TPO: variants seen among roughly 807,000 people sequenced by gnomAD.
The protein encoded by TPO is thyroid microsomal antigen.
Under a neutral mutation model 96.9 loss-of-function variants are expected in TPO, and 78 were observed. The ratio of observed to expected loss-of-function variants is 0.81; its 90% CI spans 0.67 to 0.97. TPO has a LOEUF of 0.97. Among genes scored for constraint, TPO ranks in the 50% least tolerant of loss-of-function variants. The pLI, the probability that TPO is intolerant of heterozygous loss-of-function variation, is 0.00. For missense variants in TPO, 1,252 were observed against 1,274.8 expected, an observed-to-expected ratio of 0.98 and a Z score of 0.27; for synonymous variants, 547 against 538.0, an observed-to-expected ratio of 1.02 and a Z score of -0.23.
intron 2 of TPO, among the ~76,000 whole-genome samples, chr2:1,421,450 G>C (rs1262703177): frequency 6.6e-6 from 1 of 152,188 alleles, no homozygotes; most frequent in Non-Finnish European, 1.5e-5. Context: ...CTCGGAGATT[G>C]ATTTGTCTCA....
intron 1 of TPO, among the ~76,000 whole-genome samples, chr2:1,388,864 A>C (rs1329859626): frequency 6.6e-6 from 1 of 152,124 alleles, no homozygotes; most frequent in African/African-American, 2.4e-5. Flanking sequence ...GCCCGACGTT[A>C]ATCATCTAAA....
At chr2:1,398,224 A>C (rs992234611) in intron 1 of TPO, among the ~76,000 whole-genome samples, 2 of 152,178 alleles carry the variant, frequency 1.3e-5, no homozygotes, top group African/African-American at 2.4e-5. Flanking sequence ...TCCTAGGGGA[A>C]CCACAGATGC....
Position 1,542,519 on chromosome 2 carries a change from ATCACCGTACGACTC to A in TPO, c.*47_*60del, listed in dbSNP as rs756202105. The A allele has an allele frequency of 1.2e-6, 2 of 1,612,554 alleles. No homozygotes were observed. Among genetic ancestry groups the A allele is most frequent in the Middle Eastern group, 1.6e-4 (1 of 6,062 alleles). On this transcript the variant is annotated 3_prime_UTR_variant, in exon 17 of 17. Coordinates refer to ENST00000329066, the MANE Select transcript of TPO (RefSeq NM_001206744.2). ...TGCAGAACAGCTTCATGTTCCCAAAATCACCGTACGACTCTTTTCCAAACACAGGCAAATCCGAA... is the reference window on the plus strand; with the variant it reads ...TGCAGAACAGCTTCATGTTCCCAAAATTTTCCAAACACAGGCAAATCCGAA...
rs1298025325 is a variant in TPO, at chr2:1,475,414, CT to C, written c.820-1661del. ...CTCCCTGAGGCTCTCAGTGGAAGCG[CT>C]TTTTTTTTTTCTTTTTTCTTTTTTT... is the stretch of plus-strand genomic sequence containing the variant. On this transcript the variant is annotated intron_variant, in intron 7 of 16. Coordinates refer to ENST00000329066, the MANE Select transcript of TPO (RefSeq NM_001206744.2). 1.0e-3 allele frequency among the ~76,000 whole-genome samples: 147 copies of C among 145,260 alleles called. 1 individual carries two copies. The highest frequency in any genetic ancestry group is 8.3e-3 in the South Asian group (37 of 4,474).
intron 14 of TPO, among the ~76,000 whole-genome samples, chr2:1,515,394 G>T (rs763674648): frequency 3.7e-4 from 56 of 152,236 alleles, no homozygotes; most frequent in Admixed American, 3.5e-3. Context: ...TGTGAAAGGT[G>T]GCAGGAAGGA....
intron 8 of TPO, among the ~76,000 whole-genome samples, chr2:1,484,065 C>T (rs1156275648): frequency 6.6e-6 from 1 of 152,182 alleles, no homozygotes; most frequent in African/African-American, 2.4e-5. Flanking sequence ...GAAAGAAACA[C>T]TGTTAAACCT....
At chr2:1,472,786 C>G (rs987506986) in intron 7 of TPO, among the ~76,000 whole-genome samples, 7 of 107,876 alleles carry the variant, frequency 6.5e-5, no homozygotes. Flanking sequence ...ACACTGGCAA[C>G]AGCCTTGTTT....
rs779824048 is a variant in TPO at position 1,453,777 on chromosome 2, G to A, written c.566G>A (p.Arg189Gln). ...PVYEDGFSQP[R>Q]GWNPGFLYNG... ...TATGAGGACGGCTTCAGTCAGCCCC[G>A]AGGCTGGAACCCCGGCTTCTTGTAC... is the stretch of plus-strand genomic sequence containing the variant. Residue 189 changes from arginine (R) to glutamine (Q), a missense_variant, in exon 6 of 17, where the codon CGA (arginine) becomes CAA (glutamine). Arg to Gln is a conservative substitution (Grantham distance 43). Transcript: ENST00000329066. 1.3e-5 allele frequency: 21 copies of A among 1,613,876 alleles called. No individual in the cohort carries two copies. Among genetic ancestry groups the A allele is most frequent in the African/African-American group, 4.0e-5 (3 of 75,052 alleles).
chr2:1,458,359 CAGTT>C (rs1360922369), intron 7 of TPO, among the ~76,000 whole-genome samples: 2 of 148,918 alleles, frequency 1.3e-5, no homozygotes, highest in Non-Finnish European at 3.0e-5. Flanking sequence ...GTATATAAGA[CAGTT>C]TGTGGGCACA....
intron 14 of TPO, among the ~76,000 whole-genome samples, chr2:1,507,622 AG>A (rs1673614350): frequency 1.3e-5 from 2 of 151,852 alleles, no homozygotes; most frequent in Admixed American, 6.6e-5. Context: ...TTGGATTCCT[AG>A]GTATTTTATT....
intron 2 of TPO, among the ~76,000 whole-genome samples, chr2:1,419,511 G>T (rs10193983): frequency 2.4e-4 from 37 of 151,990 alleles, no homozygotes; most frequent in Non-Finnish European, 4.9e-4. Context: ...ACATAAATCC[G>T]CAAAAGTGAC....
At position 1,503,084 on chromosome 2, in the gene TPO, C is replaced by T. The variant is rs182529533; in HGVS notation, c.2387-864C>T. ...AAGACCCTGTGGCCTATGTGGACCC[C>T]GGCTCCTCCACTCAGCGGTGAGACT... On this transcript the variant is annotated intron_variant, in intron 13 of 16. Coordinates refer to ENST00000329066, the MANE Select transcript of TPO (RefSeq NM_001206744.2). 3.7e-3 allele frequency among the ~76,000 whole-genome samples: 563 copies of T among 152,328 alleles called. 4 individuals are homozygous for T. Among genetic ancestry groups the T allele is most frequent in the Admixed American group, 6.7e-3 (102 of 15,308 alleles).
intron 15 of TPO, among the ~76,000 whole-genome samples, chr2:1,540,316 A>ATGAT (rs1157694766): frequency 7.2e-5 from 11 of 152,224 alleles, no homozygotes; most frequent in African/African-American, 2.7e-4. Context: ...CGTCCCTTGC[A>ATGAT]TGATTGTTGT....
At chr2:1,459,191 G>A (rs951064234) in intron 7 of TPO, among the ~76,000 whole-genome samples, 8 of 149,844 alleles carry the variant, frequency 5.3e-5, no homozygotes, top group African/African-American at 1.5e-4. Flanking sequence ...TCACCCAGTC[G>A]CCCAGGCTGG....
At chr2:1,511,668 G>A (rs4927592) in intron 14 of TPO, among the ~76,000 whole-genome samples, 7,249 of 152,230 alleles carry the variant, frequency 0.048, 246 homozygotes, top group East Asian at 0.15. Flanking sequence ...GTCCTCCCAG[G>A]GCAGTCCCTC....
chr2:1,389,794 C>T (rs1661968988), intron 1 of TPO, among the ~76,000 whole-genome samples: 1 of 152,184 alleles, frequency 6.6e-6, no homozygotes, highest in Non-Finnish European at 1.5e-5. Context: ...TTCCACAACA[C>T]AGCCTCCTCT....
At chr2:1,438,832 C>G (rs575869343) in intron 5 of TPO, 1 of 715,436 alleles carries the variant, frequency 1.4e-6, no homozygotes, top group South Asian at 1.5e-5. Flanking sequence ...GAAATATAAG[C>G]CCGACCATTC....
intron 5 of TPO, among the ~76,000 whole-genome samples, chr2:1,448,649 C>G (rs1667042736): frequency 6.6e-6 from 1 of 152,222 alleles, no homozygotes; most frequent in Non-Finnish European, 1.5e-5. Flanking sequence ...ATGTCATAAA[C>G]AGCCCAGTGT....
chr2:1,524,590 TAACCTCCTCAAATCCGCTCACTGTGTGC>T (rs1675995584), intron 15 of TPO, among the ~76,000 whole-genome samples: 2 of 68,678 alleles, frequency 2.9e-5, no homozygotes, highest in Non-Finnish European at 5.5e-5. Context: ...CTACTGTGTG[TAACCTCCTCAAATCCGCTCACTGTGTGC>T]AACCTCCTCA....
Sources: allele counts gnomAD v4.1 joint callset (sites outside exome capture counted in the v4.1 genomes callset), GRCh38; gene constraint gnomAD v4.1.1; transcripts MANE v1.5; gene names NCBI Gene and HGNC (gene_info 2026-07-23, HGNC 2026-07-21).